ARHGAP6: variants seen among roughly 807,000 people sequenced by gnomAD.
ARHGAP6 encodes Rho GTPase activating protein 6.
A neutral mutation model predicts 55.7 loss-of-function variants in ARHGAP6; 16 were observed. The ratio of observed to expected loss-of-function variants is 0.29; its 90% CI spans 0.19 to 0.44. The LOEUF (loss-of-function observed/expected upper bound fraction) is 0.44. Among genes scored for constraint, ARHGAP6 ranks in the 20% least tolerant of loss-of-function variants. The probability of loss-of-function intolerance (pLI) is 1.00; values close to 1 mark genes in which losing one functional copy is unlikely to be tolerated. For missense variants in ARHGAP6, 698 were observed against 808.9 expected (o/e 0.86, Z 1.66); for synonymous variants, 382 against 360.9 (o/e 1.06, Z -0.66).
chrX:11,606,985 C>T (rs1176342036), intron 1 of ARHGAP6, among the ~76,000 whole-genome samples: 1 of 111,859 alleles, frequency 8.9e-6, no homozygotes, highest in Admixed American at 9.5e-5. Flanking sequence ...TAACAAGATG[C>T]TCAAATCCTT....
chrX:11,169,370 G>A (rs964884569), intron 9 of ARHGAP6, 135 bp downstream of exon 9: 1 of 534,577 alleles, frequency 1.9e-6, no homozygotes, highest in Non-Finnish European at 2.8e-6. Context: ...TACTCCTGCT[G>A]AAACTGCCTG....
chrX:11,338,103 CCCTGTAACCCAGACATCT>C (rs1382698990), intron 1 of ARHGAP6, among the ~76,000 whole-genome samples: 1 of 111,060 alleles, frequency 9.0e-6, no homozygotes, highest in Non-Finnish European at 1.9e-5. Flanking sequence ...AGGGATCCAT[CCCTGTAACCCAGACATCT>C]CCCACTATGC....
chrX:11,236,140 T>C (rs1187650056), intron 2 of ARHGAP6, among the ~76,000 whole-genome samples: 3 of 111,986 alleles, frequency 2.7e-5, no homozygotes, highest in African/African-American at 9.8e-5. Context: ...ATGAAAGAGG[T>C]TTAATTGACT....
In ARHGAP6 at chrX:11,265,956, C is replaced by A. The variant is rs891513644; in HGVS notation, c.589-11249G>T. 5 of 945,085 alleles carry A rather than the reference C, an allele frequency of 5.3e-6. No homozygotes were observed. The East Asian group carries it at 4.1e-4, about 77-fold the overall frequency. 77.9% of individuals were successfully genotyped at this position (945,085 alleles called of 1,213,427 possible). A position where few individuals can be genotyped will look rare whatever the true frequency, so the allele number is the denominator to read the frequency against. ...ATCGGATCATTGAGAAGTTCCTGTC[C>A]TTTCAGAACAGAGGCAGGCTGTGTC... On this transcript the variant is annotated intron_variant, in intron 1 of 12. Coordinates refer to ENST00000337414, the MANE Select transcript of ARHGAP6 (RefSeq NM_013427.3).
intron 1 of ARHGAP6, among the ~76,000 whole-genome samples, chrX:11,267,727 A>G (rs1020479783): frequency 8.0e-5 from 9 of 112,615 alleles, no homozygotes; most frequent in African/African-American, 2.9e-4. Flanking sequence ...CATCTTGTGA[A>G]ATTCCTAGTC....
At chrX:11,189,441 G>A (rs2046426238) in intron 3 of ARHGAP6, among the ~76,000 whole-genome samples, 1 of 112,015 alleles carries the variant, frequency 8.9e-6, no homozygotes. Context: ...TGAAACTAAG[G>A]CTGAAATTTA....
intron 10 of ARHGAP6, among the ~76,000 whole-genome samples, chrX:11,149,949 TTTAG>T (rs1175085206): frequency 8.9e-6 from 1 of 111,899 alleles, no homozygotes; most frequent in Non-Finnish European, 1.9e-5. Flanking sequence ...TAAAATTAAT[TTTAG>T]TTTAATTTTT....
At chrX:11,341,033 G>A (rs1236195938) in intron 1 of ARHGAP6, among the ~76,000 whole-genome samples, 4 of 78,062 alleles carry the variant, frequency 5.1e-5, no homozygotes, top group Non-Finnish European at 9.0e-5. Context: ...GGTTGACTAC[G>A]AAAAGGCAGA....
intron 1 of ARHGAP6, among the ~76,000 whole-genome samples, chrX:11,567,717 G>A (rs905059305): frequency 4.6e-5 from 5 of 109,176 alleles, no homozygotes; most frequent in African/African-American, 1.7e-4. Flanking sequence ...GCTGGAGTCT[G>A]GAGTGCAGTG....
intron 1 of ARHGAP6, among the ~76,000 whole-genome samples, chrX:11,627,975 A>G (rs2052318217): frequency 8.9e-6 from 1 of 112,025 alleles, no homozygotes; most frequent in Admixed American, 9.5e-5. Flanking sequence ...TTTTCCAGTC[A>G]ATTCACTGCT....
intron 1 of ARHGAP6, among the ~76,000 whole-genome samples, chrX:11,510,996 T>C (rs902700283): frequency 8.9e-6 from 1 of 111,872 alleles, no homozygotes; most frequent in Non-Finnish European, 1.9e-5. Flanking sequence ...CCTAGCTCTT[T>C]CCAAAAAGAG....
intron 10 of ARHGAP6, among the ~76,000 whole-genome samples, chrX:11,152,235 G>A (rs1388180015): frequency 8.9e-6 from 1 of 112,104 alleles, no homozygotes; most frequent in Non-Finnish European, 1.9e-5. Context: ...TGAAACGTAG[G>A]CAATCTGGCT....
chrX:11,225,993 G>T (rs1240364469), intron 2 of ARHGAP6, among the ~76,000 whole-genome samples: 1 of 108,770 alleles, frequency 9.2e-6, no homozygotes, highest in Non-Finnish European at 1.9e-5. Context: ...AGTTGGCCCC[G>T]AGAGTTTCTT....
At chrX:11,641,761 CT>C (rs1211098858) in intron 1 of ARHGAP6, among the ~76,000 whole-genome samples, 1 of 111,782 alleles carries the variant, frequency 8.9e-6, no homozygotes, top group Non-Finnish European at 1.9e-5. Flanking sequence ...GCAATATTCT[CT>C]TTGTTTAAAT....
At chrX:11,187,083 T>C (rs1415256476) in intron 4 of ARHGAP6, among the ~76,000 whole-genome samples, 1 of 111,329 alleles carries the variant, frequency 9.0e-6, no homozygotes, top group Admixed American at 9.5e-5. Flanking sequence ...GCTATCCCTA[T>C]CAAGTGAGAG....
At chrX:11,389,124 C>T (rs769512581) in intron 1 of ARHGAP6, among the ~76,000 whole-genome samples, 12 of 111,442 alleles carry the variant, frequency 1.1e-4, no homozygotes, top group South Asian at 7.6e-4. Context: ...TACCGGGGAT[C>T]GACCAGGGAC....
intron 1 of ARHGAP6, among the ~76,000 whole-genome samples, chrX:11,574,295 T>C (rs1298938006): frequency 4.5e-5 from 5 of 111,205 alleles, no homozygotes; most frequent in Non-Finnish European, 7.6e-5. Flanking sequence ...TAGACAAATA[T>C]CCTTGATGAA....
At chrX:11,661,471 C>G (rs141757162) in intron 1 of ARHGAP6, among the ~76,000 whole-genome samples, 1 of 112,570 alleles carries the variant, frequency 8.9e-6, no homozygotes, top group African/African-American at 3.2e-5. Flanking sequence ...AAGCTTTGAA[C>G]GAGCACAAGT....
At chrX:11,269,367 T>C (rs113225672) in intron 1 of ARHGAP6, among the ~76,000 whole-genome samples, 2,916 of 111,981 alleles carry the variant, frequency 0.026, 38 homozygotes, top group Middle Eastern at 0.078. Context: ...ATTGTTTTGC[T>C]GAGCATGTAG....
Sources: allele counts gnomAD v4.1 joint callset (sites outside exome capture counted in the v4.1 genomes callset), GRCh38; gene constraint gnomAD v4.1.1; transcripts MANE v1.5; gene names NCBI Gene and HGNC (gene_info 2026-07-23, HGNC 2026-07-21).